PRDM4: variants seen among roughly 807,000 people sequenced by gnomAD.
The protein encoded by PRDM4 is PR domain zinc finger protein 4.
Under a neutral mutation model 62.3 loss-of-function variants are expected in PRDM4, and 38 were observed. That is an observed-to-expected ratio of 0.61 (90% CI 0.47 to 0.80). PRDM4 has a LOEUF of 0.80. PRDM4 is among the 30% of genes least tolerant of loss of function. The pLI is 0.00. For missense variants in PRDM4, 858 were observed against 997.1 expected (o/e 0.86, Z 1.88); for synonymous variants, 339 against 348.2 (o/e 0.97, Z 0.30).
rs1566093308 is a variant in PRDM4, at chr12:107,740,940, A to G, written c.1924+6T>C. The G allele has an allele frequency of 2.5e-6, 4 of 1,610,618 alleles. No homozygotes were observed. The highest frequency in any genetic ancestry group is 3.4e-6 in the Non-Finnish European group (4 of 1,177,648). On this transcript the variant is annotated splice_donor_region_variant and intron_variant, in intron 10 of 11. Coordinates refer to ENST00000228437, the MANE Select transcript of PRDM4 (RefSeq NM_012406.4). ...AATTCCATTCTGATGGGCCAACACA[A>G]CTTACCTGTATGTATCTTGAGGTGG...
chr12:107,747,588 A>G (rs1363078897), intron 5 of PRDM4, among the ~76,000 whole-genome samples: 1 of 152,070 alleles, frequency 6.6e-6, no homozygotes, highest in Non-Finnish European at 1.5e-5. Context: ...TGCTCCCTTT[A>G]TATATTGTTC....
Position 107,744,647 on chromosome 12 carries a change from C to A in PRDM4, c.1291G>T (p.Glu431Ter). 1 of 1,613,754 alleles carries A rather than the reference C, an allele frequency of 6.2e-7. No individual in the cohort carries two copies. The highest frequency in any genetic ancestry group is 8.5e-7 in the Non-Finnish European group (1 of 1,179,680). Residue 431 changes from glutamate to a stop codon, truncating the protein, a stop_gained, in exon 7 of 12, where the codon GAA (glutamate) becomes TAA (stop). Coordinates refer to ENST00000228437, the MANE Select transcript of PRDM4 (RefSeq NM_012406.4). LOFTEE classifies it high-confidence loss of function. ...VGAEVGVWTG[E>*]TIPVRTCFGP... ...AAGCAAGTCCGCACAGGAATGGTTT[C>A]TCCAGTCCATACACCTGTCAGTGGA...
At chr12:107,741,381 A>G (rs1890512954) in intron 9 of PRDM4, 121 bp from the exon 10 acceptor site, 2 of 935,900 alleles carry the variant, frequency 2.1e-6, no homozygotes, top group Admixed American at 2.8e-5. Flanking sequence ...CCCACTTCCT[A>G]TAAAACTAAA....
chr12:107,753,806 A>C, intron 4 of PRDM4, 118 bp downstream of exon 4: 92 of 937,710 alleles, frequency 9.8e-5, no homozygotes, highest in Non-Finnish European at 1.2e-4. Flanking sequence ...TTTCCTGCCT[A>C]GAGATTAATA....
rs774059144 is a variant in PRDM4, at chr12:107,746,407, G to A, written c.1144C>T (p.Arg382Cys). The A allele has an allele frequency of 1.1e-5, 17 of 1,608,442 alleles. No individual in the cohort carries two copies. Among genetic ancestry groups the A allele is most frequent in the South Asian group, 8.9e-5 (8 of 89,964 alleles). The change falls in exon 6 of 12, where the codon CGC becomes TGC. Residue 382 changes from arginine to cysteine, a missense_variant. This residue lies in a region of PRDM4 where 499 missense variants were observed against 546.7 expected (regional missense o/e 0.91). Transcript: ENST00000228437. ...LFTIWCTLCD[R>C]AYPSDCPEHG... ...TCGGGACAGTCCGAGGGATAGGCGC[G>A]GTCACACAGAGTACACCCTGTAGAT... is the stretch of plus-strand genomic sequence containing the variant.
Position 107,741,260 on chromosome 12 carries a change from C to A in PRDM4, c.1610G>T (p.Gly537Val). The A allele has an allele frequency of 1.3e-6, 2 of 1,591,134 alleles. No individual in the cohort carries two copies. Among genetic ancestry groups the A allele is most frequent in the South Asian group, 2.3e-5 (2 of 88,310 alleles). Residue 537 changes from glycine (G) to valine (V), a missense_variant and splice_region_variant, in exon 10 of 12, where the codon GGT becomes GTT. Gly to Val is a moderately radical substitution (Grantham distance 109). Transcript: ENST00000228437. The part of the protein sequence containing the change: ...YYSRDYAQQI[G>V]VPEHPDVHLC... ...ATGCACATCTGGGTGTTCAGGAACACCTTTTAAAAAAAAATTACTCATTAT... is the reference window on the plus strand; with the variant it reads ...ATGCACATCTGGGTGTTCAGGAACAACTTTTAAAAAAAAATTACTCATTAT...
intron 5 of PRDM4, among the ~76,000 whole-genome samples, 179 bp downstream of exon 5, chr12:107,751,236 T>C (rs1890882141): frequency 6.6e-6 from 1 of 152,230 alleles, no homozygotes; most frequent in Non-Finnish European, 1.5e-5. Context: ...TGTATATCAT[T>C]TGGCTTACTT....
Position 107,733,576 on chromosome 12 carries a change from C to T in PRDM4, c.*634G>A, listed in dbSNP as rs1890235443. The stretch of plus-strand genomic sequence containing the variant: ...ATCTCTCCTCTTGTTCTCTCCATCA[C>T]TGACTACTGACTGACTGCTGCTTTT... On this transcript the variant is annotated 3_prime_UTR_variant, in exon 12 of 12. Transcript: ENST00000228437. 6.6e-6 allele frequency: 1 copy of T among 152,474 alleles called. No individual in the cohort carries two copies. Among genetic ancestry groups the T allele is most frequent in the Non-Finnish European group, 1.5e-5 (1 of 68,244 alleles). The allele number at this position is 152,474 out of a possible 1,614,324, so 9.4% of individuals were successfully genotyped here.
intron 10 of PRDM4, among the ~76,000 whole-genome samples, chr12:107,740,066 A>T (rs1890467731): frequency 1.3e-5 from 2 of 152,200 alleles, no homozygotes; most frequent in Admixed American, 1.3e-4. Flanking sequence ...GGATAGATAG[A>T]ATTTTAGGCT....
At chr12:107,753,699 T>C (rs1177949589) in intron 4 of PRDM4, among the ~76,000 whole-genome samples, 1 of 152,224 alleles carries the variant, frequency 6.6e-6, no homozygotes, top group Non-Finnish European at 1.5e-5. Flanking sequence ...AGAAAAATTA[T>C]GTGCAATTAA....
rs1313348827 is a variant in PRDM4, at chr12:107,751,749, G to T, written c.792C>A (p.Leu264=). Reference sequence around the variant, plus strand: ...TGTGGTCTGTCTCCATGACCACAGGGAGCTCCAGGCCATTCCCATGCATGG... The same window carrying T: ...TGTGGTCTGTCTCCATGACCACAGGTAGCTCCAGGCCATTCCCATGCATGG... ...VIPMHGNGLE[L]PVVMETDHIA... Residue 264 remains leucine, a synonymous_variant, in exon 5 of 12, where the codon CTC becomes CTA. Coordinates refer to ENST00000228437, the MANE Select transcript of PRDM4 (RefSeq NM_012406.4). 5.0e-6 allele frequency: 8 copies of T among 1,614,070 alleles called. No individual in the cohort carries two copies. The highest frequency in any genetic ancestry group is 6.8e-6 in the Non-Finnish European group (8 of 1,180,052).
At position 107,746,260 on chromosome 12, in the gene PRDM4, T is replaced by C. The variant is rs968316322; in HGVS notation, c.1276+15A>G. ...GAAGAGATGTAATAGTGTTTTACAGTTCCAAGGTTCTTACCAACTTCTGCT... is the reference window on the plus strand; with the variant it reads ...GAAGAGATGTAATAGTGTTTTACAGCTCCAAGGTTCTTACCAACTTCTGCT... On this transcript the variant is annotated intron_variant, in intron 6 of 11. Coordinates refer to ENST00000228437, the MANE Select transcript of PRDM4 (RefSeq NM_012406.4). The C allele has an allele frequency of 6.2e-7, 1 of 1,613,258 alleles. No homozygotes were observed. The highest frequency in any genetic ancestry group is 8.5e-7 in the Non-Finnish European group (1 of 1,179,566).
chr12:107,736,866 GTGTTTGGCTTGACCAT>G (rs1410625614), intron 11 of PRDM4: 1 of 152,312 alleles, frequency 6.6e-6, no homozygotes, highest in Non-Finnish European at 1.5e-5. Flanking sequence ...TTACTTCAAG[GTGTTTGGCTTGACCAT>G]TGAGGTGAAT....
chr12:107,753,817 T>C (rs1890976482), intron 4 of PRDM4, 107 bp downstream of exon 4: 1 of 1,081,516 alleles, frequency 9.2e-7, no homozygotes, highest in African/African-American at 1.6e-5. Flanking sequence ...GAGATTAATA[T>C]CTAATAGTGA....
rs1490320897 is a variant in PRDM4, at chr12:107,733,454, G to C, written c.*756C>G. The C allele has an allele frequency of 6.6e-6, 1 of 152,054 alleles. No homozygotes were observed. The highest frequency in any genetic ancestry group is 2.4e-5 in the African/African-American group (1 of 41,362). 9.4% of individuals were successfully genotyped at this position (152,054 alleles called of 1,614,324 possible). On this transcript the variant is annotated 3_prime_UTR_variant, in exon 12 of 12. Coordinates refer to ENST00000228437, the MANE Select transcript of PRDM4 (RefSeq NM_012406.4). The stretch of plus-strand genomic sequence containing the variant: ...ATGGCTGGATGTTTACTGGAGACAG[G>C]GAGCCATGTCTAAACCTACAAAGAT...
chr12:107,754,567 G>C (rs890202303), intron 3 of PRDM4, among the ~76,000 whole-genome samples: 1 of 152,030 alleles, frequency 6.6e-6, no homozygotes, highest in Middle Eastern at 3.2e-3. Flanking sequence ...ATTTTTGCTA[G>C]AGACAGGGTT....
intron 2 of PRDM4, chr12:107,758,416 ATTTGTT>A (rs1891130357): frequency 6.6e-6 from 1 of 151,794 alleles, no homozygotes; most frequent in African/African-American, 2.4e-5. Context: ...TGCCTGGCTA[ATTTGTT>A]TTTATTTTGC....
intron 4 of PRDM4, 32 bp from the exon 5 acceptor site, chr12:107,752,241 CTT>C: frequency 5.4e-6 from 8 of 1,468,668 alleles, no homozygotes; most frequent in Non-Finnish European, 7.6e-6. Context: ...ATATCAGAGA[CTT>C]TTAGTACATT....
chr12:107,760,399 C>G, intron 2 of PRDM4, 106 bp downstream of exon 2: 2 of 1,454,930 alleles, frequency 1.4e-6, no homozygotes, highest in Non-Finnish European at 1.9e-6. Context: ...CAAATCACAC[C>G]TGTAACCTTC....
Sources: allele counts gnomAD v4.1 joint callset (sites outside exome capture counted in the v4.1 genomes callset), GRCh38; gene constraint gnomAD v4.1.1; regional missense constraint gnomAD v4.1.1; transcripts MANE v1.5; gene names NCBI Gene and HGNC (gene_info 2026-07-23, HGNC 2026-07-21).